DNAJC24: variants seen among roughly 807,000 people sequenced by gnomAD.
The protein encoded by DNAJC24 is DnaJ heat shock protein family (Hsp40) member C24.
In DNAJC24, 17 loss-of-function variants were observed where a neutral mutation model predicts 18.0. That is an observed-to-expected ratio of 0.94 (90% CI 0.65 to 1.42). DNAJC24 has a LOEUF of 1.42. Ranked by LOEUF, DNAJC24 falls within the 40% of genes most tolerant of loss-of-function variation. The probability of loss-of-function intolerance (pLI) is 0.00; values close to 1 mark genes in which losing one functional copy is unlikely to be tolerated. For missense variants in DNAJC24, 158 were observed against 175.6 expected, an observed-to-expected ratio of 0.90 and a Z score of 0.57; for synonymous variants, 55 against 57.7, an observed-to-expected ratio of 0.95 and a Z score of 0.21.
intron 2 of DNAJC24, among the ~76,000 whole-genome samples, chr11:31,401,461 G>C (rs1005117692): frequency 2.7e-5 from 4 of 150,764 alleles, no homozygotes. Context: ...TTCTCCCGCT[G>C]TCTCCTCTTT....
intron 2 of DNAJC24, among the ~76,000 whole-genome samples, chr11:31,393,104 A>G (rs1952513770): frequency 6.6e-6 from 1 of 152,162 alleles, no homozygotes; most frequent in Non-Finnish European, 1.5e-5. Flanking sequence ...GTCCAAATGG[A>G]CTAAGACAGA....
intron 2 of DNAJC24, chr11:31,407,426 T>G (rs1952666402): frequency 6.6e-6 from 1 of 152,032 alleles, no homozygotes. Context: ...AAATATCATT[T>G]GGAGCTAATG....
intron 2 of DNAJC24, among the ~76,000 whole-genome samples, chr11:31,413,612 G>A (rs1361745250): frequency 1.3e-5 from 2 of 151,978 alleles, no homozygotes; most frequent in Non-Finnish European, 2.9e-5. Flanking sequence ...TATTACAAGC[G>A]TGAGCCACTG....
At chr11:31,377,602 T>C (rs546241981) in intron 2 of DNAJC24, among the ~76,000 whole-genome samples, 2 of 152,096 alleles carry the variant, frequency 1.3e-5, no homozygotes, top group African/African-American at 4.8e-5. Context: ...AAAAACAATT[T>C]GAATAGTAAT....
rs554008012 is a variant in DNAJC24 at position 31,424,420 on chromosome 11, G to A, written c.251-1867G>A. Among the ~76,000 whole-genome samples the A allele has an allele frequency of 1.6e-4, 24 of 152,174 alleles. No individual in the cohort carries two copies. In the South Asian group the frequency reaches 4.8e-3, roughly 30 times the overall value. ...TCTCCCAATTCTAGCAAACAACCCT[G>A]GTCCTTCTGAGTAAGAAATTAAAAT... On this transcript the variant is annotated intron_variant, in intron 3 of 4. Coordinates refer to ENST00000465995, the MANE Select transcript of DNAJC24 (RefSeq NM_181706.5).
chr11:31,420,931 G>A (rs1262629248), intron 3 of DNAJC24, among the ~76,000 whole-genome samples: 1 of 152,042 alleles, frequency 6.6e-6, no homozygotes, highest in African/African-American at 2.4e-5. Flanking sequence ...TCAGTTTGTG[G>A]GTTTCATTTG....
At chr11:31,393,763 A>G (rs1391635236) in intron 2 of DNAJC24, among the ~76,000 whole-genome samples, 1 of 152,178 alleles carries the variant, frequency 6.6e-6, no homozygotes, top group Admixed American at 6.5e-5. Flanking sequence ...ATTTTGTTAT[A>G]GCAGCATAAA....
chr11:31,427,810 ATAATGTTAAGATCT>A (rs1368775013), intron 4 of DNAJC24: 3 of 151,684 alleles, frequency 2.0e-5, no homozygotes, highest in Non-Finnish European at 2.9e-5. Context: ...ATATAACAAT[ATAATGTTAAGATCT>A]TAATTTTAAA....
intron 2 of DNAJC24, among the ~76,000 whole-genome samples, chr11:31,375,098 G>A (rs1952300293): frequency 7.4e-6 from 1 of 135,134 alleles, no homozygotes; most frequent in Non-Finnish European, 1.7e-5. Flanking sequence ...AGGATTGCTT[G>A]AGCCCAGGAG....
intron 4 of DNAJC24, among the ~76,000 whole-genome samples, chr11:31,429,257 TTTAA>T (rs1341364206): frequency 2.0e-5 from 3 of 151,946 alleles, no homozygotes; most frequent in Admixed American, 2.0e-4. Flanking sequence ...AGTTAGCTTA[TTTAA>T]TTGCCAGTTT....
At chr11:31,422,646 C>T (rs73467207) in intron 3 of DNAJC24, among the ~76,000 whole-genome samples, 117 of 152,212 alleles carry the variant, frequency 7.7e-4, no homozygotes, top group African/African-American at 2.7e-3. Context: ...AGAAAACTAA[C>T]TTATCTGTTT....
In DNAJC24 at chr11:31,385,316, A is replaced by G. The variant is rs563345784; in HGVS notation, c.111+14457A>G. ...AGTAGATTTTAGAATCTACCCTTACAGTGACCTTTTTGATTTTACAACTCC... is the reference window on the plus strand; with the variant it reads ...AGTAGATTTTAGAATCTACCCTTACGGTGACCTTTTTGATTTTACAACTCC... On this transcript the variant is annotated intron_variant, in intron 2 of 4. Transcript: ENST00000465995. Among the ~76,000 whole-genome samples the G allele has an allele frequency of 3.2e-4, 48 of 152,332 alleles. 1 individual carries two copies. In the South Asian group the frequency reaches 9.7e-3, roughly 31 times the overall value.
At chr11:31,424,984 T>C (rs1192195949) in intron 3 of DNAJC24, among the ~76,000 whole-genome samples, 1 of 152,040 alleles carries the variant, frequency 6.6e-6, no homozygotes, top group Non-Finnish European at 1.5e-5. Context: ...TTTTCTTTTT[T>C]CTTCTTTTTT....
At position 31,389,241 on chromosome 11, in the gene DNAJC24, A is replaced by G. The variant is rs1041180774; in HGVS notation, c.111+18382A>G. 5.3e-5 allele frequency among the ~76,000 whole-genome samples: 8 copies of G among 152,224 alleles called. No individual in the cohort carries two copies. The East Asian group carries it at 1.5e-3, about 29-fold the overall frequency. ...AATGAATTAGAAAAAACAAGACCCAACCATCTGTTGCCTACAAGAAACCCA... is the reference window on the plus strand; with the variant it reads ...AATGAATTAGAAAAAACAAGACCCAGCCATCTGTTGCCTACAAGAAACCCA... On this transcript the variant is annotated intron_variant, in intron 2 of 4. Transcript: ENST00000465995.
chr11:31,421,028 T>G (rs1035165683), intron 3 of DNAJC24, among the ~76,000 whole-genome samples: 2 of 152,164 alleles, frequency 1.3e-5, no homozygotes, highest in African/African-American at 4.8e-5. Context: ...AGTTTGTAGT[T>G]TTTCTTCAGT....
intron 2 of DNAJC24, among the ~76,000 whole-genome samples, chr11:31,401,413 CTCTT>C (rs1459876352): frequency 6.6e-6 from 1 of 151,984 alleles, no homozygotes; most frequent in African/African-American, 2.4e-5. Context: ...TCCTTTTCCT[CTCTT>C]TCTTCCTCCT....
chr11:31,413,995 A>G (rs537872913), intron 2 of DNAJC24, among the ~76,000 whole-genome samples: 19 of 152,310 alleles, frequency 1.2e-4, no homozygotes, highest in Non-Finnish European at 1.2e-4. Flanking sequence ...AGATAGGAGA[A>G]CTGATAATAG....
chr11:31,406,908 C>T (rs1009563955), intron 2 of DNAJC24, among the ~76,000 whole-genome samples: 1 of 152,144 alleles, frequency 6.6e-6, no homozygotes, highest in African/African-American at 2.4e-5. Context: ...ATTCATTTAG[C>T]ATTTATTGAG....
At chr11:31,390,712 A>C (rs1275937271) in intron 2 of DNAJC24, among the ~76,000 whole-genome samples, 1 of 150,498 alleles carries the variant, frequency 6.6e-6, no homozygotes, top group African/African-American at 2.4e-5. Context: ...TCTTAAAAAA[A>C]AAAAAAAAAA....
Sources: allele counts gnomAD v4.1 joint callset (sites outside exome capture counted in the v4.1 genomes callset), GRCh38; gene constraint gnomAD v4.1.1; transcripts MANE v1.5; gene names NCBI Gene and HGNC (gene_info 2026-07-23, HGNC 2026-07-21).